The following MYLK3 variants were observed in gnomAD, a reference collection of about 807,000 sequenced individuals.
The protein encoded by MYLK3 is myosin light chain kinase 3, also known as MLC kinase.
Under a neutral mutation model 76.3 loss-of-function variants are expected in MYLK3, and 55 were observed. The ratio of observed to expected loss-of-function variants is 0.72; its 90% CI spans 0.58 to 0.90. The LOEUF is 0.90. MYLK3 is among the 40% of genes least tolerant of loss of function. The pLI is 0.00. For synonymous variants in MYLK3, 416 were observed against 425.4 expected (o/e 0.98, Z 0.27); for missense variants, 973 against 1,053.6 (o/e 0.92, Z 1.06).
intron 11 of MYLK3, 139 bp downstream of exon 11, chr16:46,710,498 C>T: frequency 1.6e-5 from 15 of 933,684 alleles, no homozygotes; most frequent in South Asian, 8.5e-5. Context: ...TTTATTTTTC[C>T]AAAGAAGTAG....
At chr16:46,753,050 A>G (rs1294202163), upstream of MYLK3, among the ~76,000 whole-genome samples, 2 of 152,202 alleles carry the variant, frequency 1.3e-5, no homozygotes, top group Non-Finnish European at 2.9e-5. Flanking sequence ...AGTGTTATCA[A>G]TGAATTTCTA....
intron 1 of MYLK3, among the ~76,000 whole-genome samples, chr16:46,747,180 A>C (rs1596773574): frequency 6.6e-6 from 1 of 151,854 alleles, no homozygotes; most frequent in Admixed American, 6.6e-5. Flanking sequence ...CAGGAATGCC[A>C]CCCTCCACCC....
upstream of MYLK3, among the ~76,000 whole-genome samples, chr16:46,749,377 G>GC (rs1185481082): frequency 5.3e-5 from 8 of 152,266 alleles, no homozygotes; most frequent in Non-Finnish European, 7.3e-5. Context: ...GGGCAGGGCT[G>GC]CCCCCAAGGG....
chr16:46,755,815 C>T (rs777207283), intron 1 of MYLK3, among the ~76,000 whole-genome samples: 1 of 152,030 alleles, frequency 6.6e-6, no homozygotes, highest in Non-Finnish European at 1.5e-5. Flanking sequence ...CAAACATTAG[C>T]CATCAGCATG....
At chr16:46,754,510 T>C (rs36475) in intron 1 of MYLK3, among the ~76,000 whole-genome samples, 150,029 of 152,230 alleles carry the variant, frequency 0.99, 73,957 homozygotes, top group East Asian at 1. Flanking sequence ...GGAACAGAGA[T>C]CTGAGGGAGC....
At chr16:46,746,625 A>G (rs753311853) in intron 1 of MYLK3, among the ~76,000 whole-genome samples, 9 of 152,052 alleles carry the variant, frequency 5.9e-5, no homozygotes, top group Non-Finnish European at 1.2e-4. Flanking sequence ...GGGTCTTCCT[A>G]TGTTGCCTAG....
intron 2 of MYLK3, among the ~76,000 whole-genome samples, chr16:46,739,760 A>T (rs1429314060): frequency 6.6e-6 from 1 of 152,224 alleles, no homozygotes; most frequent in African/African-American, 2.4e-5. Context: ...ACAGTAGGCT[A>T]TTAGTAGTTA....
intron 2 of MYLK3, among the ~76,000 whole-genome samples, chr16:46,739,456 G>C (rs566534640): frequency 6.6e-6 from 1 of 152,152 alleles, no homozygotes; most frequent in East Asian, 1.9e-4. Context: ...ACTACAGTTG[G>C]CCCTTGAGCA....
At chr16:46,736,923 C>A (rs1438430951) in intron 3 of MYLK3, among the ~76,000 whole-genome samples, 2 of 152,198 alleles carry the variant, frequency 1.3e-5, no homozygotes, top group Admixed American at 6.5e-5. Context: ...AGACATCTGC[C>A]TGCCGAGAGC....
intron 2 of MYLK3, among the ~76,000 whole-genome samples, chr16:46,738,745 G>A (rs1966886599): frequency 6.6e-6 from 1 of 152,226 alleles, no homozygotes; most frequent in Admixed American, 6.5e-5. Context: ...TGGACCTCAA[G>A]GGAAAGAAAA....
chr16:46,716,574 T>G (rs1443066010), intron 9 of MYLK3, among the ~76,000 whole-genome samples: 1 of 151,824 alleles, frequency 6.6e-6, no homozygotes, highest in African/African-American at 2.4e-5. Context: ...GTCCTTGTTA[T>G]AATGTTGGGA....
chr16:46,759,897 T>C (rs1386753030), intron 1 of MYLK3, among the ~76,000 whole-genome samples: 1 of 152,232 alleles, frequency 6.6e-6, no homozygotes, highest in Admixed American at 6.5e-5. Context: ...CATCCCAAAG[T>C]GCGGGATTAC....
Position 46,738,127 on chromosome 16 carries a change from G to T in MYLK3, c.585C>A (p.Asp195Glu), listed in dbSNP as rs375234190. The change falls in exon 3 of 13, where the codon GAC becomes GAA. Residue 195 changes from aspartate to glutamate, a missense_variant. By Grantham distance (45) the Asp-to-Glu change is conservative (BLOSUM62 2). Transcript: ENST00000394809. ...REPGEESQKA[D>E]VLEGTAERLP... ...GCCTCTCCGCTGTCCCCTCCAGCAC[G>T]TCCGCCTTCTGGCTCTCTACAGGAA... 6.5e-7 allele frequency: 1 copy of T among 1,545,102 alleles called. No individual in the cohort carries two copies. Among genetic ancestry groups the T allele is most frequent in the Non-Finnish European group, 8.7e-7 (1 of 1,147,392 alleles).
chr16:46,723,892 G>A (rs540132582), intron 8 of MYLK3, among the ~76,000 whole-genome samples: 41 of 152,182 alleles, frequency 2.7e-4, no homozygotes, highest in African/African-American at 7.7e-4. Flanking sequence ...CAGGTGATCC[G>A]CCTGCCTCGG....
intron 4 of MYLK3, among the ~76,000 whole-genome samples, 180 bp from the exon 5 acceptor site, chr16:46,730,878 C>T (rs1197819890): frequency 6.6e-6 from 1 of 152,204 alleles, no homozygotes; most frequent in African/African-American, 2.4e-5. Context: ...GAAGGGAGCC[C>T]GTGACAGACA....
At chr16:46,710,815 G>C (rs757946099) in intron 10 of MYLK3, 26 bp from the exon 11 acceptor site, 16 of 1,613,538 alleles carry the variant, frequency 9.9e-6, no homozygotes, top group Non-Finnish European at 1.4e-5. Flanking sequence ...AGGACCATCA[G>C]TAGGTGGAGG....
intron 10 of MYLK3, chr16:46,711,551 C>T (rs956810822): frequency 1.3e-5 from 4 of 311,196 alleles, no homozygotes; most frequent in African/African-American, 2.2e-5. Flanking sequence ...CATTCTGTCA[C>T]CCAGGCTGGA....
Position 46,747,818 on chromosome 16 carries a change from C to A in MYLK3, c.376G>T (p.Ala126Ser). The A allele has an allele frequency of 6.2e-7, 1 of 1,614,232 alleles. No individual in the cohort carries two copies. The highest frequency in any genetic ancestry group is 8.5e-7 in the Non-Finnish European group (1 of 1,180,050). ...TTCTGGAACGTGGCCCCCACCAAAG[C>A]GATGGCCCTGTCCACCGCAGCCACC... is the stretch of plus-strand genomic sequence containing the variant. ...RMVAAVDRAI[A>S]LVGATFQKSK... Residue 126 changes from alanine to serine, a missense_variant, in exon 1 of 13, where the codon GCT (alanine) becomes TCT (serine). Around this residue, in one of 2 missense-constraint regions of MYLK3, gnomAD observed 641 missense variants for 637.0 expected, o/e 1.01. Coordinates refer to ENST00000394809, the MANE Select transcript of MYLK3 (RefSeq NM_182493.3).
Position 46,747,733 on chromosome 16 carries a change from C to G in MYLK3, c.461G>C (p.Gly154Ala). The G allele has an allele frequency of 6.2e-7, 1 of 1,613,748 alleles. No homozygotes were observed. Among genetic ancestry groups the G allele is most frequent in the Non-Finnish European group, 8.5e-7 (1 of 1,179,900 alleles). ...GGAACCAACCTCCTCAGGGCTGTCACCTGGGCTGCCTCTCCTCCAGGGCAC... is the reference window on the plus strand; with the variant it reads ...GGAACCAACCTCCTCAGGGCTGTCAGCTGGGCTGCCTCTCCTCCAGGGCAC... ...GRVPWRRGSPGDSPEENKERV... is the reference protein window; with the variant it reads ...GRVPWRRGSPADSPEENKERV... Residue 154 changes from glycine (G) to alanine (A), a missense_variant, in exon 1 of 13, where the codon GGT (glycine) becomes GCT (alanine). This residue lies in a region of MYLK3 where 641 missense variants were observed against 637.0 expected (regional missense o/e 1.01). Coordinates refer to ENST00000394809, the MANE Select transcript of MYLK3 (RefSeq NM_182493.3).
Sources: gnomAD v4.1 joint callset for allele counts (sites outside exome capture counted in the v4.1 genomes callset) on GRCh38, gnomAD v4.1.1 for gene constraint, gnomAD v4.1.1 regional missense constraint, MANE v1.5 for transcripts, NCBI Gene and HGNC (gene_info 2026-07-23, HGNC 2026-07-21) for gene names.